RBMS3: variants seen among roughly 807,000 people sequenced by gnomAD.
RBMS3 encodes RNA-binding motif, single-stranded-interacting protein 3.
A neutral mutation model predicts 66.8 loss-of-function variants in RBMS3; 27 were observed. That is an observed-to-expected ratio of 0.40 (90% CI 0.30 to 0.56). The LOEUF (loss-of-function observed/expected upper bound fraction) is 0.56, where lower values mean the gene tolerates loss of function less well. RBMS3 is among the 20% of genes least tolerant of loss of function. The pLI is 0.40. For missense variants in RBMS3, 513 were observed against 549.5 expected, an observed-to-expected ratio of 0.93 and a Z score of 0.66; for synonymous variants, 188 against 183.0, an observed-to-expected ratio of 1.03 and a Z score of -0.22.
At chr3:29,815,463 G>T (rs953917556) in intron 6 of RBMS3, among the ~76,000 whole-genome samples, 3 of 152,070 alleles carry the variant, frequency 2.0e-5, no homozygotes, top group Non-Finnish European at 2.9e-5. Flanking sequence ...GTAACATCTG[G>T]TTAGAAGTTG....
chr3:29,475,446 T>C (rs1244623365), intron 2 of RBMS3, among the ~76,000 whole-genome samples: 1 of 152,054 alleles, frequency 6.6e-6, no homozygotes, highest in East Asian at 1.9e-4. Context: ...GATGGGGTTT[T>C]ACTGTGTTGC....
intron 10 of RBMS3, among the ~76,000 whole-genome samples, chr3:29,926,253 G>A (rs1199168393): frequency 6.6e-6 from 1 of 152,122 alleles, no homozygotes; most frequent in Non-Finnish European, 1.5e-5. Flanking sequence ...TTCTTTAATA[G>A]GGTCGTGACT....
At chr3:29,376,589 G>A (rs1178973870) in intron 1 of RBMS3, among the ~76,000 whole-genome samples, 1 of 152,062 alleles carries the variant, frequency 6.6e-6, no homozygotes, top group Admixed American at 6.5e-5. Context: ...TGACCAACAT[G>A]GTGAAACTTC....
chr3:29,801,272 C>CTTTTTTTTTTTTT (rs200997680), intron 6 of RBMS3, among the ~76,000 whole-genome samples: 3,917 of 128,880 alleles, frequency 0.03, 158 homozygotes, highest in Non-Finnish European at 0.045. Flanking sequence ...TGCTTTTTTT[C>CTTTTTTTTTTTTT]TTTTTTTTTT....
chr3:29,793,962 T>A (rs1375928172), intron 6 of RBMS3, among the ~76,000 whole-genome samples: 1 of 152,098 alleles, frequency 6.6e-6, no homozygotes, highest in African/African-American at 2.4e-5. Flanking sequence ...TTGGCATAAA[T>A]CTGGTTGGTT....
chr3:29,773,679 A>C (rs1202514266), intron 6 of RBMS3, among the ~76,000 whole-genome samples: 3 of 152,110 alleles, frequency 2.0e-5, no homozygotes, highest in Non-Finnish European at 4.4e-5. Context: ...CATTAGGTAG[A>C]CTGCCCTTAG....
chr3:29,928,227 CACACACACAT>C lies in RBMS3; in HGVS notation c.940-7857_940-7848del, dbSNP rs2061002527. 4.8e-5 allele frequency among the ~76,000 whole-genome samples: 7 copies of C among 144,726 alleles called. No homozygotes were observed. In the South Asian group the frequency reaches 6.5e-4, roughly 13 times the overall value. 94.9% of individuals were successfully genotyped at this position (144,726 alleles called of 152,430 possible). The stretch of plus-strand genomic sequence containing the variant: ...ATATATATATACACACACACACACA[CACACACACAT>C]ATATATGTATATATGCATACATATA... On this transcript the variant is annotated intron_variant, in intron 10 of 14. Coordinates refer to ENST00000383767, the MANE Select transcript of RBMS3 (RefSeq NM_001003793.3).
intron 13 of RBMS3, among the ~76,000 whole-genome samples, chr3:29,989,711 AC>A (rs1224111224): frequency 6.6e-5 from 10 of 152,204 alleles, no homozygotes; most frequent in African/African-American, 2.2e-4. Flanking sequence ...TGTGTTCTAG[AC>A]CTATAGGTCT....
intron 6 of RBMS3, among the ~76,000 whole-genome samples, chr3:29,764,052 T>C (rs1009099084): frequency 5.9e-5 from 9 of 152,152 alleles, no homozygotes; most frequent in African/African-American, 1.7e-4. Flanking sequence ...ATTGAGTTTA[T>C]AGATAAGAGG....
At chr3:29,700,944 G>A (rs2052543007) in intron 4 of RBMS3, among the ~76,000 whole-genome samples, 1 of 152,114 alleles carries the variant, frequency 6.6e-6, no homozygotes, top group Non-Finnish European at 1.5e-5. Context: ...AAGTTGGAAA[G>A]GTAAGAAAGG....
intron 3 of RBMS3, among the ~76,000 whole-genome samples, chr3:29,552,928 T>C (rs1337981123): frequency 6.6e-6 from 1 of 152,164 alleles, no homozygotes; most frequent in Non-Finnish European, 1.5e-5. Context: ...TATATGACCC[T>C]GAGTTAGTTC....
chr3:29,976,458 C>A (rs1280499219), intron 12 of RBMS3, among the ~76,000 whole-genome samples: 1 of 152,032 alleles, frequency 6.6e-6, no homozygotes, highest in Non-Finnish European at 1.5e-5. Flanking sequence ...TAATATAAAG[C>A]ATTATGAATG....
intron 1 of RBMS3, among the ~76,000 whole-genome samples, chr3:29,422,746 A>G (rs576612519): frequency 7.2e-5 from 11 of 152,304 alleles, no homozygotes; most frequent in African/African-American, 2.2e-4. Flanking sequence ...GTATTTATAG[A>G]AAATTATCTG....
At chr3:29,701,222 A>G (rs1484979061) in intron 4 of RBMS3, among the ~76,000 whole-genome samples, 2 of 151,900 alleles carry the variant, frequency 1.3e-5, no homozygotes, top group East Asian at 1.9e-4. Flanking sequence ...GGTTGCAGTG[A>G]GCTGAGATCG....
In RBMS3 at chr3:30,006,853, A is replaced by T. The variant is rs1699815982; in HGVS notation, c.*2991A>T. On this transcript the variant is annotated 3_prime_UTR_variant, in exon 15 of 15. Coordinates refer to ENST00000383767, the MANE Select transcript of RBMS3 (RefSeq NM_001003793.3). ...TGTGCCTAGGTAACTTCCTGTTTCT[A>T]TTCAAAACTGCTGCTTTATTTGTAC... The T allele has an allele frequency of 6.6e-6, 1 of 151,994 alleles. No homozygotes were observed. Among genetic ancestry groups the T allele is most frequent in the Admixed American group, 6.6e-5 (1 of 15,242 alleles). The allele number at this position is 151,994 out of a possible 1,614,324, so 9.4% of individuals were successfully genotyped here. A position where few individuals can be genotyped will look rare whatever the true frequency, so the allele number is the denominator to read the frequency against.
intron 4 of RBMS3, among the ~76,000 whole-genome samples, chr3:29,621,125 T>C (rs1402589550): frequency 5.3e-5 from 8 of 152,016 alleles, no homozygotes; most frequent in Non-Finnish European, 1.2e-4. Flanking sequence ...AAACTTGAAT[T>C]TTCATCTTGG....
At chr3:29,922,493 C>CAAAAAAAAA (rs68121692) in intron 10 of RBMS3, among the ~76,000 whole-genome samples, 13 of 99,038 alleles carry the variant, frequency 1.3e-4, no homozygotes, top group South Asian at 6.7e-4. Flanking sequence ...GACTCCGTCT[C>CAAAAAAAAA]AAAAAAAAAA....
At chr3:29,645,291 G>A (rs1432595845) in intron 4 of RBMS3, among the ~76,000 whole-genome samples, 1 of 152,098 alleles carries the variant, frequency 6.6e-6, no homozygotes, top group Non-Finnish European at 1.5e-5. Flanking sequence ...TCTGCAAATC[G>A]GTATACATTG....
At position 29,909,556 on chromosome 3, in the gene RBMS3, C is replaced by A. The variant is rs113164958; in HGVS notation, c.939+9801C>A. Among the ~76,000 whole-genome samples, 46 of 152,192 alleles carry A rather than the reference C, an allele frequency of 3.0e-4. 2 individuals carry two copies. The highest frequency in any genetic ancestry group is 1.1e-3 in the African/African-American group (44 of 41,526). ...TCCTAAGCACAGGAGTGTCTAGGGG[C>A]AGTGGTGAGTCTAGAATCTTTTGAA... On this transcript the variant is annotated intron_variant, in intron 10 of 14. Coordinates refer to ENST00000383767, the MANE Select transcript of RBMS3 (RefSeq NM_001003793.3).
Sources: allele counts gnomAD v4.1 joint callset (sites outside exome capture counted in the v4.1 genomes callset), GRCh38; gene constraint gnomAD v4.1.1; transcripts MANE v1.5; gene names NCBI Gene and HGNC (gene_info 2026-07-23, HGNC 2026-07-21).